The following CDK14 variants were observed in gnomAD, a reference collection of about 807,000 sequenced individuals.
CDK14 encodes cyclin-dependent kinase 14.
A neutral mutation model predicts 60.7 loss-of-function variants in CDK14; 34 were observed. The observed-to-expected ratio is 0.56, with a 90% CI of 0.43 to 0.75. The LOEUF is 0.75. CDK14 is among the 30% of genes least tolerant of loss of function. CDK14 has a pLI of 0.00. For missense variants in CDK14, 482 were observed against 564.1 expected (o/e 0.85, Z 1.47); for synonymous variants, 197 against 203.7 (o/e 0.97, Z 0.28).
rs116122383 is a variant in CDK14 at position 90,852,074 on chromosome 7, T to G, written c.545-11101T>G. ...CCATCATGCCCAGCTAATTTTTATT[T>G]GTTATAGATATGGAGTCTTGCTATG... On this transcript the variant is annotated intron_variant, in intron 5 of 14. Transcript: ENST00000380050. Among the ~76,000 whole-genome samples the G allele has an allele frequency of 7.3e-3, 1,116 of 152,262 alleles. 18 individuals carry two copies. Among genetic ancestry groups the G allele is most frequent in the African/African-American group, 0.026 (1,077 of 41,560 alleles).
At chr7:91,172,657 G>C (rs937605199) in intron 14 of CDK14, among the ~76,000 whole-genome samples, 1 of 152,128 alleles carries the variant, frequency 6.6e-6, no homozygotes, top group Non-Finnish European at 1.5e-5. Flanking sequence ...AACCCACTCT[G>C]TGTTCCCCAC....
At chr7:90,874,543 A>T (rs1307662286) in intron 6 of CDK14, among the ~76,000 whole-genome samples, 15 of 47,982 alleles carry the variant, frequency 3.1e-4, no homozygotes, top group Non-Finnish European at 3.2e-4. Context: ...TTTTTTTGAG[A>T]CGGAGTCTCG....
intron 14 of CDK14, among the ~76,000 whole-genome samples, chr7:91,160,202 GA>G (rs1435577836): frequency 6.6e-6 from 1 of 152,170 alleles, no homozygotes; most frequent in Non-Finnish European, 1.5e-5. Flanking sequence ...AGGGAGAAAT[GA>G]ATCATCTGAG....
intron 5 of CDK14, among the ~76,000 whole-genome samples, chr7:90,860,223 T>C (rs74418180): frequency 0.03 from 4,626 of 152,180 alleles, 231 homozygotes; most frequent in African/African-American, 0.1. Context: ...TGTACAATTT[T>C]TTTTTAACAT....
chr7:90,826,151 T>C (rs1789714273), intron 5 of CDK14, among the ~76,000 whole-genome samples: 2 of 152,220 alleles, frequency 1.3e-5, no homozygotes, highest in Non-Finnish European at 2.9e-5. Context: ...CAAAAAACTT[T>C]GCAACCAGTT....
chr7:90,674,375 A>T (rs11760520), intron 2 of CDK14, among the ~76,000 whole-genome samples: 28,953 of 152,118 alleles, frequency 0.19, 2,869 homozygotes, highest in Non-Finnish European at 0.23. Flanking sequence ...TTTCAGCTTC[A>T]GTAAATCTTA....
chr7:90,614,487 C>T (rs1159458964), intron 2 of CDK14, among the ~76,000 whole-genome samples: 1 of 152,088 alleles, frequency 6.6e-6, no homozygotes, highest in African/African-American at 2.4e-5. Context: ...TTCACTTTCC[C>T]TTCTGAATCT....
chr7:91,137,215 G>A (rs995519824), intron 14 of CDK14, among the ~76,000 whole-genome samples: 2 of 152,208 alleles, frequency 1.3e-5, no homozygotes, highest in African/African-American at 4.8e-5. Flanking sequence ...TGGAAGTGGT[G>A]CATTTCTTTC....
intron 6 of CDK14, among the ~76,000 whole-genome samples, chr7:90,880,617 A>T (rs1025148505): frequency 1.3e-5 from 2 of 152,092 alleles, no homozygotes; most frequent in African/African-American, 4.8e-5. Context: ...CTCCCATGCC[A>T]CCCAACTGGA....
At chr7:91,022,628 A>G (rs1325480072) in intron 10 of CDK14, among the ~76,000 whole-genome samples, 2 of 152,324 alleles carry the variant, frequency 1.3e-5, no homozygotes, top group South Asian at 2.1e-4. Flanking sequence ...ACACGTTACC[A>G]TTGTTAAGGC....
At chr7:90,867,285 C>T (rs922913925) in intron 6 of CDK14, among the ~76,000 whole-genome samples, 2 of 152,106 alleles carry the variant, frequency 1.3e-5, no homozygotes, top group Non-Finnish European at 2.9e-5. Context: ...ATCATTGACT[C>T]CCGAATATAT....
In CDK14 at chr7:90,876,794, T is replaced by C. The variant is rs1163451589; in HGVS notation, c.639+13525T>C. ...GAACAAATGTTAAAGCGTGCCATTA[T>C]GTAAACCAATGTATAATTAGATAAC... is the stretch of plus-strand genomic sequence containing the variant. On this transcript the variant is annotated intron_variant, in intron 6 of 14. Coordinates refer to ENST00000380050, the MANE Select transcript of CDK14 (RefSeq NM_001287135.2). Among the ~76,000 whole-genome samples, 8 of 152,372 alleles carry C rather than the reference T, an allele frequency of 5.3e-5. No individual in the cohort carries two copies. The South Asian group carries it at 1.4e-3, about 28-fold the overall frequency.
At chr7:91,041,783 G>T (rs920142731) in intron 10 of CDK14, among the ~76,000 whole-genome samples, 7 of 152,172 alleles carry the variant, frequency 4.6e-5, no homozygotes, top group Non-Finnish European at 8.8e-5. Context: ...TGAATTCAGC[G>T]TCTGGCCTCT....
At chr7:90,868,758 A>G (rs190542144) in intron 6 of CDK14, among the ~76,000 whole-genome samples, 32 of 152,298 alleles carry the variant, frequency 2.1e-4, no homozygotes, top group Non-Finnish European at 3.5e-4. Context: ...TGTAGGTAGC[A>G]TGTTATTTTT....
chr7:90,966,829 C>A (rs1794766286), intron 9 of CDK14, among the ~76,000 whole-genome samples: 2 of 152,144 alleles, frequency 1.3e-5, no homozygotes, highest in Admixed American at 1.3e-4. Context: ...GGTAAATAAT[C>A]TGACTATAAC....
intron 9 of CDK14, among the ~76,000 whole-genome samples, chr7:90,971,125 A>G (rs1013388805): frequency 6.8e-6 from 1 of 147,578 alleles, no homozygotes; most frequent in African/African-American, 2.5e-5. Flanking sequence ...CTCATTGTTC[A>G]GTTCCCACCT....
chr7:90,837,889 A>G (rs1352016485), intron 5 of CDK14, among the ~76,000 whole-genome samples: 1 of 152,144 alleles, frequency 6.6e-6, no homozygotes, highest in Non-Finnish European at 1.5e-5. Context: ...CATCTAGAGT[A>G]GTGATTTTCA....
intron 12 of CDK14, among the ~76,000 whole-genome samples, chr7:91,081,969 A>G (rs930789690): frequency 2.0e-5 from 3 of 152,156 alleles, no homozygotes; most frequent in Admixed American, 1.3e-4. Context: ...CTCTTCCTCC[A>G]TAAAGGGGAT....
intron 2 of CDK14, among the ~76,000 whole-genome samples, chr7:90,724,308 A>G (rs1338687220): frequency 3.3e-5 from 5 of 151,646 alleles, no homozygotes; most frequent in African/African-American, 1.2e-4. Flanking sequence ...TATATTTTCT[A>G]CTTTTTTTTC....
Sources: gnomAD v4.1 joint callset for allele counts (sites outside exome capture counted in the v4.1 genomes callset) on GRCh38, gnomAD v4.1.1 for gene constraint, MANE v1.5 for transcripts, NCBI Gene and HGNC (gene_info 2026-07-23, HGNC 2026-07-21) for gene names.